The following ZSCAN18 variants were observed in gnomAD, a reference collection of about 807,000 sequenced individuals.
ZSCAN18 encodes the protein zinc finger and SCAN domain containing 18.
In ZSCAN18, 16 loss-of-function variants were observed where a neutral mutation model predicts 31.1. That is an observed-to-expected ratio of 0.51 (90% CI 0.35 to 0.78). The LOEUF (loss-of-function observed/expected upper bound fraction) is 0.78, where lower values mean the gene tolerates loss of function less well. Among genes scored for constraint, ZSCAN18 ranks in the 30% least tolerant of loss-of-function variants. The pLI is 0.01. For missense variants in ZSCAN18, 731 were observed against 697.4 expected (o/e 1.05, Z -0.54); for synonymous variants, 375 against 320.7 (o/e 1.17, Z -1.81).
In ZSCAN18 at chr19:58,090,203, G is replaced by C. The variant is rs149069414; in HGVS notation, c.65C>G (p.Thr22Arg). ...RSSPAPPDLP[T>R]PGSAAGVQQE... is the part of the protein sequence containing the mutation. The stretch of plus-strand genomic sequence containing the variant: ...CTGGACTCCGGCTGCTGACCCCGGC[G>C]TGGGCAGATCCGGCGGGGCTGGGGA... Residue 22 changes from threonine to arginine, a missense_variant, in exon 2 of 7, where the codon ACG (threonine) becomes AGG (arginine). Thr to Arg is a moderately conservative substitution (Grantham distance 71, BLOSUM62 -1). This residue lies in a region of ZSCAN18 where 86 missense variants were observed against 119.1 expected (regional missense o/e 0.72). Coordinates refer to ENST00000601144, the MANE Select transcript of ZSCAN18 (RefSeq NM_001145543.2). The surrounding 1 kb of genome is among the most constrained non-coding windows in gnomAD (Gnocchi z 4.7). 6.2e-7 allele frequency: 1 copy of C among 1,613,600 alleles called. No homozygotes were observed. Among genetic ancestry groups the C allele is most frequent in the African/African-American group, 1.3e-5 (1 of 74,922 alleles).
chr19:58,107,090 T>G (rs758541633), intron 1 of ZSCAN18, among the ~76,000 whole-genome samples: 1 of 151,976 alleles, frequency 6.6e-6, no homozygotes, highest in Non-Finnish European at 1.5e-5. Context: ...ATAATGAGAC[T>G]GGAAAGTCAA....
chr19:58,110,705 C>T (rs1297168848), intron 1 of ZSCAN18, among the ~76,000 whole-genome samples: 1 of 152,356 alleles, frequency 6.6e-6, no homozygotes, highest in East Asian at 1.9e-4. Context: ...TTTACACTTC[C>T]TCCACCACTG....
intron 1 of ZSCAN18, chr19:58,108,169 A>G: frequency 4.1e-6 from 4 of 986,414 alleles, no homozygotes; most frequent in Non-Finnish European, 4.8e-6. Context: ...CACTCCATAC[A>G]CATATAGGGT....
intron 1 of ZSCAN18, 154 bp downstream of exon 1, chr19:58,098,020 C>T (rs2074554033): frequency 1.0e-6 from 1 of 985,690 alleles, no homozygotes; most frequent in Non-Finnish European, 1.2e-6. Flanking sequence ...GGATGCCAGA[C>T]CCTCGGCCTC....
intron 1 of ZSCAN18, among the ~76,000 whole-genome samples, chr19:58,095,122 G>A (rs1259003024): frequency 6.6e-6 from 1 of 152,186 alleles, no homozygotes; most frequent in Non-Finnish European, 1.5e-5. Flanking sequence ...CTGTTCTGGA[G>A]CCTCTCCTGA....
intron 1 of ZSCAN18, among the ~76,000 whole-genome samples, chr19:58,095,015 C>G (rs2074493950): frequency 6.6e-6 from 1 of 152,098 alleles, no homozygotes; most frequent in Non-Finnish European, 1.5e-5. Context: ...TATGTTTGTG[C>G]CACTGTACTC....
rs116448189 is a variant in ZSCAN18 at position 58,095,615 on chromosome 19, G to A, written c.-120+2559C>T. ...CAGCTCTGAGCATGGTGGAGGCATC[G>A]GGGTCTAGGTAGAATGAGCAAGGGT... On this transcript the variant is annotated intron_variant, in intron 1 of 6. Transcript: ENST00000601144. Among the ~76,000 whole-genome samples the A allele has an allele frequency of 5.2e-3, 793 of 152,286 alleles. 9 individuals are homozygous for A. The highest frequency in any genetic ancestry group is 0.018 in the African/African-American group (730 of 41,552).
intron 1 of ZSCAN18, among the ~76,000 whole-genome samples, chr19:58,094,177 C>T (rs2074473474): frequency 6.6e-6 from 1 of 151,248 alleles, no homozygotes; most frequent in African/African-American, 2.4e-5. Flanking sequence ...GCAGGCAGAT[C>T]ACGAGGTCAG....
At chr19:58,086,368 C>T (rs908552266) in intron 5 of ZSCAN18, 102 bp from the exon 6 acceptor site, 6 of 1,018,298 alleles carry the variant, frequency 5.9e-6, no homozygotes, top group East Asian at 5.0e-5. Context: ...AGCCCACCTC[C>T]TCTTCTCTGT....
In ZSCAN18 at chr19:58,090,450, C is replaced by T. The variant is rs2074388372; in HGVS notation, c.-119-64G>A. On this transcript the variant is annotated intron_variant, in intron 1 of 6. Coordinates refer to ENST00000601144, the MANE Select transcript of ZSCAN18 (RefSeq NM_001145543.2). This position sits in a 1 kb window ranked among gnomAD's most constrained non-coding sequence, Gnocchi z 4.7. ...GCCAGGGCGCAGCCACCCCAGCTGC[C>T]AGAGAACAAAGACACCACACCCAGA... 2 of 1,416,376 alleles carry T rather than the reference C, an allele frequency of 1.4e-6. No homozygotes were observed. The highest frequency in any genetic ancestry group is 2.9e-5 in the African/African-American group (2 of 69,030). 87.7% of individuals were successfully genotyped at this position (1,416,376 alleles called of 1,614,324 possible). A position where few individuals can be genotyped will look rare whatever the true frequency, so the allele number is the denominator to read the frequency against.
chr19:58,084,745 G>C lies in ZSCAN18; in HGVS notation c.1473C>G (p.Gly491=). 1.3e-6 allele frequency: 2 copies of C among 1,548,686 alleles called. No individual in the cohort carries two copies. The highest frequency in any genetic ancestry group is 2.4e-5 in the South Asian group (2 of 83,586). The change falls in exon 7 of 7, where the codon GGC becomes GGG. Residue 491 remains glycine (G), a synonymous_variant. Coordinates refer to ENST00000601144, the MANE Select transcript of ZSCAN18 (RefSeq NM_001145543.2). This position sits in a 1 kb window ranked among gnomAD's most constrained non-coding sequence, Gnocchi z 4.5. ...CGCCCTCCACGCTCTCTGGGGGACC[G>C]CCCGCCCTAGCCCCCGCCTGGGCTT... The part of the protein sequence containing the change: ...TREAQAGARA[G]GPPESVEGEA...
intron 1 of ZSCAN18, among the ~76,000 whole-genome samples, chr19:58,112,880 G>C (rs1179855824): frequency 7.2e-6 from 1 of 139,054 alleles, no homozygotes; most frequent in Non-Finnish European, 1.5e-5. Flanking sequence ...GAACCTGGGA[G>C]GCAGAAGGTG....
At chr19:58,113,569 G>A (rs1006598482) in intron 1 of ZSCAN18, among the ~76,000 whole-genome samples, 6 of 152,158 alleles carry the variant, frequency 3.9e-5, no homozygotes, top group Non-Finnish European at 1.5e-5. Context: ...TTTAGGAACA[G>A]GGGAGGCAGG....
intron 2 of ZSCAN18, 80 bp from the exon 3 acceptor site, chr19:58,088,917 C>A: frequency 7.0e-7 from 1 of 1,432,956 alleles, no homozygotes. Flanking sequence ...ACCACAGGGA[C>A]CTGCAGGCTC....
chr19:58,094,803 A>C (rs1480017079), intron 1 of ZSCAN18, among the ~76,000 whole-genome samples: 1 of 144,566 alleles, frequency 6.9e-6, no homozygotes, highest in Non-Finnish European at 1.5e-5. Context: ...ACCTGAACCC[A>C]GGAGGTCAAG....
At chr19:58,098,942 G>A (rs1306911939), upstream of ZSCAN18, among the ~76,000 whole-genome samples, 2 of 152,130 alleles carry the variant, frequency 1.3e-5, no homozygotes, top group African/African-American at 2.4e-5. Flanking sequence ...CTGAAATGAG[G>A]GAAATGTGAG....
intron 1 of ZSCAN18, among the ~76,000 whole-genome samples, chr19:58,105,416 C>T (rs1474079769): frequency 6.6e-6 from 1 of 152,218 alleles, no homozygotes; most frequent in Non-Finnish European, 1.5e-5. Context: ...AATCCCAGCA[C>T]TTTGGGAGGC....
chr19:58,089,057 A>G (rs2074346888), intron 2 of ZSCAN18, among the ~76,000 whole-genome samples: 1 of 151,930 alleles, frequency 6.6e-6, no homozygotes, highest in African/African-American at 2.4e-5. Context: ...TAATCCCAGC[A>G]CTTTGGGAGG....
At chr19:58,110,107 T>C (rs915556393) in intron 1 of ZSCAN18, among the ~76,000 whole-genome samples, 2 of 152,130 alleles carry the variant, frequency 1.3e-5, no homozygotes, top group Non-Finnish European at 2.9e-5. Context: ...CTCAAACTCC[T>C]TGCCTCAAGT....
Sources: gnomAD v4.1 joint callset for allele counts (sites outside exome capture counted in the v4.1 genomes callset) on GRCh38, gnomAD v4.1.1 for gene constraint, gnomAD v4.1.1 regional missense constraint, Gnocchi (gnomAD v3.1) non-coding constraint, MANE v1.5 for transcripts, NCBI Gene and HGNC (gene_info 2026-07-23, HGNC 2026-07-21) for gene names.